The following YIPF6 variants were observed in gnomAD, a reference collection of about 807,000 sequenced individuals.
YIPF6 encodes Yip1 domain family member 6.
A neutral mutation model predicts 16.8 loss-of-function variants in YIPF6; 3 were observed. The observed-to-expected ratio is 0.18, with a 90% confidence interval of 0.08 to 0.46. The LOEUF is 0.46. Ranked by LOEUF, YIPF6 falls within the 20% of genes least tolerant of loss-of-function variation. The probability of loss-of-function intolerance (pLI) is 0.98; values close to 1 mark genes in which losing one functional copy is unlikely to be tolerated. For synonymous variants in YIPF6, 67 were observed against 61.9 expected (o/e 1.08, Z -0.38); for missense variants, 145 against 184.9 (o/e 0.78, Z 1.25).
In YIPF6 at chrX:68,533,579, C is replaced by T. The variant is rs1187215985; in HGVS notation, c.*1580C>T. On this transcript the variant is annotated 3_prime_UTR_variant, in exon 7 of 7. Coordinates refer to ENST00000462683, the MANE Select transcript of YIPF6 (RefSeq NM_173834.4). ...CATCCCCACATTAGCCAAGTGAATA[C>T]AGGGCCAAATGGGTTCTTGGAATGA... The T allele has an allele frequency of 1.8e-5, 2 of 111,882 alleles. No homozygotes were observed. Among genetic ancestry groups the T allele is most frequent in the East Asian group, 5.6e-4 (2 of 3,578 alleles). The allele number at this position is 111,882 out of a possible 1,213,427, so 9.2% of individuals were successfully genotyped here.
chrX:68,517,442 C>T (rs1370132536), intron 3 of YIPF6, among the ~76,000 whole-genome samples: 1 of 112,311 alleles, frequency 8.9e-6, no homozygotes, highest in African/African-American at 3.2e-5. Flanking sequence ...CCACAGCATC[C>T]AGCCTGCAGC....
At chrX:68,524,903 A>G (rs189177711) in intron 6 of YIPF6, among the ~76,000 whole-genome samples, 46 of 111,802 alleles carry the variant, frequency 4.1e-4, no homozygotes, top group African/African-American at 1.3e-3. Flanking sequence ...TTCTTTATCC[A>G]GTCTATCATT....
rs927428130 is a variant in YIPF6 at position 68,523,845 on chromosome X, A to G, written c.592+928A>G. On this transcript the variant is annotated intron_variant, in intron 6 of 6. Transcript: ENST00000462683. Reference sequence around the variant, plus strand: ...GCTTGGGTGCTTTTCCCATGGGGAGAGCCCCTCATTCTCTCACTGAGAATC... The same window carrying G: ...GCTTGGGTGCTTTTCCCATGGGGAGGGCCCCTCATTCTCTCACTGAGAATC... 2.7e-5 allele frequency among the ~76,000 whole-genome samples: 3 copies of G among 111,733 alleles called. No individual in the cohort carries two copies. The Admixed American group carries it at 2.9e-4, about 11-fold the overall frequency.
rs1186919845 is a variant in YIPF6, at chrX:68,535,579, T to C, written c.*3580T>C. 9.0e-6 allele frequency: 1 copy of C among 111,667 alleles called. No homozygotes were observed. Among genetic ancestry groups the C allele is most frequent in the African/African-American group, 3.3e-5 (1 of 30,723 alleles). 9.2% of individuals were successfully genotyped at this position (111,667 alleles called of 1,213,427 possible). On this transcript the variant is annotated 3_prime_UTR_variant, in exon 7 of 7. Coordinates refer to ENST00000462683, the MANE Select transcript of YIPF6 (RefSeq NM_173834.4). Reference sequence around the variant, plus strand: ...TCATGTATATAAATTAGAAACACTTTTCTAGATTCTGTAGGCTTTTGTTAA... The same window carrying C: ...TCATGTATATAAATTAGAAACACTTCTCTAGATTCTGTAGGCTTTTGTTAA...
chrX:68,506,866 C>T (rs946333494), intron 1 of YIPF6, among the ~76,000 whole-genome samples: 14 of 111,537 alleles, frequency 1.3e-4, no homozygotes, highest in African/African-American at 4.6e-4. Context: ...ACTCTCACCT[C>T]AGTCTCCCAA....
chrX:68,516,447 T>A (rs1312176281), intron 3 of YIPF6, among the ~76,000 whole-genome samples: 1 of 111,529 alleles, frequency 9.0e-6, no homozygotes, highest in Non-Finnish European at 1.9e-5. Context: ...TATAATTTTA[T>A]GGGACCACTA....
intron 4 of YIPF6, among the ~76,000 whole-genome samples, chrX:68,519,269 G>A (rs1266009644): frequency 9.0e-6 from 1 of 111,136 alleles, no homozygotes; most frequent in African/African-American, 3.3e-5. Context: ...GAAGAGGACG[G>A]GGAAGGAGAA....
chrX:68,508,855 G>A (rs761543818), intron 1 of YIPF6, among the ~76,000 whole-genome samples: 45 of 111,884 alleles, frequency 4.0e-4, no homozygotes, highest in Non-Finnish European at 7.7e-4. Flanking sequence ...TTTCATGTGA[G>A]TATGGGGGAG....
Position 68,532,108 on chromosome X carries a change from G to C in YIPF6, c.*109G>C. ...TATTTGTCTAATTTTGGAGGTATTT[G>C]ATAACTGAGTAGGTGAGGAGATTAA... is the stretch of plus-strand genomic sequence containing the variant. On this transcript the variant is annotated 3_prime_UTR_variant, in exon 7 of 7. Transcript: ENST00000462683. The C allele has an allele frequency of 1.7e-6, 1 of 574,728 alleles. No homozygotes were observed. Among genetic ancestry groups the C allele is most frequent in the Non-Finnish European group, 2.8e-6 (1 of 360,693 alleles). The allele number at this position is 574,728 out of a possible 1,213,427, so 47.4% of individuals were successfully genotyped here. A position where few individuals can be genotyped will look rare whatever the true frequency, so the allele number is the denominator to read the frequency against.
rs1340479289 is a variant in YIPF6 at position 68,532,865 on chromosome X, T to G, written c.*866T>G. On this transcript the variant is annotated 3_prime_UTR_variant, in exon 7 of 7. Coordinates refer to ENST00000462683, the MANE Select transcript of YIPF6 (RefSeq NM_173834.4). ...TAGATCTCTAGTGCATATTATCATGTGGGCACCTTCTCTTAGGGTGGAATG... is the reference window on the plus strand; with the variant it reads ...TAGATCTCTAGTGCATATTATCATGGGGGCACCTTCTCTTAGGGTGGAATG... 8.9e-6 allele frequency: 1 copy of G among 112,321 alleles called. No homozygotes were observed. The highest frequency in any genetic ancestry group is 2.8e-4 in the East Asian group (1 of 3,594). 9.3% of individuals were successfully genotyped at this position (112,321 alleles called of 1,213,427 possible).
At chrX:68,521,843 C>G (rs2079127440) in intron 5 of YIPF6, among the ~76,000 whole-genome samples, 1 of 110,393 alleles carries the variant, frequency 9.1e-6, no homozygotes, top group African/African-American at 3.3e-5. Flanking sequence ...ATCCTCCCAC[C>G]TTGGCCTCCC....
chrX:68,504,045 G>A (rs1276623345), intron 1 of YIPF6, among the ~76,000 whole-genome samples: 2 of 112,155 alleles, frequency 1.8e-5, no homozygotes, highest in African/African-American at 6.5e-5. Flanking sequence ...TAATTCACTA[G>A]AATGACTCAT....
chrX:68,533,253 G>A lies in YIPF6; in HGVS notation c.*1254G>A, dbSNP rs764675035. ...CCTACTTGTAATCTCAGATATTTAT[G>A]CACACAAGTGTGAAGGTTTTTCAGG... On this transcript the variant is annotated 3_prime_UTR_variant, in exon 7 of 7. Transcript: ENST00000462683. 8.9e-6 allele frequency: 1 copy of A among 111,750 alleles called. No individual in the cohort carries two copies. Among genetic ancestry groups the A allele is most frequent in the Non-Finnish European group, 1.9e-5 (1 of 53,194 alleles). The allele number at this position is 111,750 out of a possible 1,213,427, so 9.2% of individuals were successfully genotyped here.
intron 1 of YIPF6, among the ~76,000 whole-genome samples, chrX:68,510,240 G>C (rs1216044142): frequency 9.0e-6 from 1 of 111,566 alleles, no homozygotes; most frequent in Non-Finnish European, 1.9e-5. Context: ...GTGTTATATA[G>C]TCACTTGAAA....
chrX:68,524,415 C>T (rs1308646161), intron 6 of YIPF6, among the ~76,000 whole-genome samples: 1 of 110,260 alleles, frequency 9.1e-6, no homozygotes, highest in African/African-American at 3.3e-5. Flanking sequence ...GTGATCCACC[C>T]GCCTTGGCCT....
intron 5 of YIPF6, among the ~76,000 whole-genome samples, chrX:68,522,201 T>TA (rs1301770222): frequency 9.0e-6 from 1 of 111,202 alleles, no homozygotes; most frequent in Non-Finnish European, 1.9e-5. Context: ...AAGATATCTG[T>TA]AGGAACTAGA....
At chrX:68,509,765 G>T (rs1443865107) in intron 1 of YIPF6, among the ~76,000 whole-genome samples, 1 of 110,962 alleles carries the variant, frequency 9.0e-6, no homozygotes, top group African/African-American at 3.3e-5. Flanking sequence ...CCTTTCTCCA[G>T]CTTCAGTGAG....
intron 3 of YIPF6, among the ~76,000 whole-genome samples, chrX:68,517,594 A>G (rs1211849878): frequency 8.9e-6 from 1 of 112,443 alleles, no homozygotes; most frequent in Non-Finnish European, 1.9e-5. Flanking sequence ...ACCTAGAAGA[A>G]TAGCAACTCT....
Position 68,531,884 on chromosome X carries a change from C to G in YIPF6, c.596C>G (p.Ser199Cys). 1 of 1,173,810 alleles carries G rather than the reference C, an allele frequency of 8.5e-7. No individual in the cohort carries two copies. The change falls in exon 7 of 7, where the codon TCC (serine) becomes TGC (cysteine). Residue 199 changes from serine to cysteine, a missense_variant. By Grantham distance (112) the Ser-to-Cys change is moderately radical. Transcript: ENST00000462683. Reference sequence around the variant, plus strand: ...TGTTTTGTCTTGTTTTGTTTAGCCTCCACAGCTTTCCTTGCTGATAGCCAG... The same window carrying G: ...TGTTTTGTCTTGTTTTGTTTAGCCTGCACAGCTTTCCTTGCTGATAGCCAG... ...IVMFAWSIVASTAFLADSQPP... is the reference protein window; with the variant it reads ...IVMFAWSIVACTAFLADSQPP...
Sources: allele counts gnomAD v4.1 joint callset (sites outside exome capture counted in the v4.1 genomes callset), GRCh38; gene constraint gnomAD v4.1.1; transcripts MANE v1.5; gene names NCBI Gene and HGNC (gene_info 2026-07-23, HGNC 2026-07-21).